EFL1: variants seen among roughly 807,000 people sequenced by gnomAD.
EFL1 encodes elongation factor-like GTPase 1.
EFL1 carries 76 observed loss-of-function variants against 126.7 expected under a neutral mutation model. That is an observed-to-expected ratio of 0.60 (90% CI 0.50 to 0.73). The LOEUF (loss-of-function observed/expected upper bound fraction) is 0.73. EFL1 is among the 30% of genes least tolerant of loss of function. EFL1 has a pLI of 0.00. For synonymous variants in EFL1, 410 were observed against 448.4 expected, an observed-to-expected ratio of 0.91 and a Z score of 1.08; for missense variants, 1,128 against 1,343.2, an observed-to-expected ratio of 0.84 and a Z score of 2.50.
intron 18 of EFL1, among the ~76,000 whole-genome samples, chr15:82,140,137 G>A (rs557747013): frequency 1.3e-5 from 2 of 152,246 alleles, no homozygotes; most frequent in Admixed American, 6.5e-5. Flanking sequence ...GTAATGAAAG[G>A]CACCCCCTTT....
intron 19 of EFL1, among the ~76,000 whole-genome samples, chr15:82,135,614 A>G (rs995301279): frequency 9.8e-5 from 15 of 152,356 alleles, no homozygotes; most frequent in African/African-American, 3.6e-4. Flanking sequence ...GATTGGGTAC[A>G]GCTGTATTCC....
intron 15 of EFL1, among the ~76,000 whole-genome samples, chr15:82,209,377 T>C (rs1397353380): frequency 6.7e-5 from 10 of 149,548 alleles, no homozygotes; most frequent in Admixed American, 5.3e-4. Flanking sequence ...GACTTCCTAT[T>C]GACCCAGCAA....
At chr15:82,191,854 G>C (rs1414821533) in intron 15 of EFL1, among the ~76,000 whole-genome samples, 1 of 152,068 alleles carries the variant, frequency 6.6e-6, no homozygotes. Flanking sequence ...TTATATTTGC[G>C]ACTGAGTTAA....
In EFL1 at chr15:82,262,661, C is replaced by T; in HGVS notation, c.-67G>A. ...CCCGCTCCTTCTCTCGGGTCGCACC[C>T]ACACCGAGAGCTTCCGAAAGTCCGA... On this transcript the variant is annotated 5_prime_UTR_variant, in exon 1 of 20. Transcript: ENST00000268206. 1.9e-6 allele frequency: 1 copy of T among 527,300 alleles called. No homozygotes were observed. The highest frequency in any genetic ancestry group is 3.3e-6 in the Non-Finnish European group (1 of 301,066). The allele number at this position is 527,300 out of a possible 1,614,324, so 32.7% of individuals were successfully genotyped here.
rs774444383 is a variant in EFL1 at position 82,225,199 on chromosome 15, C to T, written c.1258G>A (p.Val420Ile). The T allele has an allele frequency of 3.6e-5, 58 of 1,612,004 alleles. No homozygotes were observed. The Admixed American group carries it at 5.2e-4, about 14-fold the overall frequency. ...VIIFVSKMFA[V>I]DAKALPQNKP... ...TTCTGAGGCAAGGCCTTAGCATCAACTGCAAACATTTTGGAAACAAATATA... is the reference window on the plus strand; with the variant it reads ...TTCTGAGGCAAGGCCTTAGCATCAATTGCAAACATTTTGGAAACAAATATA... Residue 420 changes from valine to isoleucine, a missense_variant, in exon 12 of 20, where the codon GTT becomes ATT. Physicochemically the swap from Val to Ile is conservative, Grantham distance 29. Coordinates refer to ENST00000268206, the MANE Select transcript of EFL1 (RefSeq NM_024580.6).
In EFL1 at chr15:82,138,804, C is replaced by T. The variant is rs72749527; in HGVS notation, c.3028G>A (p.Val1010Ile). 12,925 of 1,613,800 alleles carry T rather than the reference C, an allele frequency of 8.0e-3. 79 individuals carry two copies. The highest frequency in any genetic ancestry group is 8.5e-3 in the Non-Finnish European group (10,048 of 1,179,844). Residue 1010 changes from valine (V) to isoleucine (I), a missense_variant, in exon 19 of 20, where the codon GTA becomes ATA. By Grantham distance (29) the Val-to-Ile change is conservative. Coordinates refer to ENST00000268206, the MANE Select transcript of EFL1 (RefSeq NM_024580.6). ...YAVLSKREGR[V>I]LQEEMKEGTD... ...CCTTCTTTCATTTCTTCTTGAAGTACCCGACCTTCTCTCTTTGACAAGACA... is the reference window on the plus strand; with the variant it reads ...CCTTCTTTCATTTCTTCTTGAAGTATCCGACCTTCTCTCTTTGACAAGACA...
chr15:82,234,133 T>G lies in EFL1; in HGVS notation c.732-3162A>C, dbSNP rs535627557. On this transcript the variant is annotated intron_variant, in intron 7 of 19. Transcript: ENST00000268206. Reference sequence around the variant, plus strand: ...ATTCCCTGTCCTTCCACAATAAACTTCCCCCAATTTGTGTGATTTAGACTA... The same window carrying G: ...ATTCCCTGTCCTTCCACAATAAACTGCCCCCAATTTGTGTGATTTAGACTA... Among the ~76,000 whole-genome samples, 255 of 152,164 alleles carry G rather than the reference T, an allele frequency of 1.7e-3. 1 individual carries two copies. The highest frequency in any genetic ancestry group is 6.0e-3 in the African/African-American group (249 of 41,526).
chr15:82,212,607 T>C (rs118146422), intron 15 of EFL1, among the ~76,000 whole-genome samples: 2,731 of 152,360 alleles, frequency 0.018, 28 homozygotes, highest in Non-Finnish European at 0.026. Context: ...AAAATCCTTC[T>C]GGTAGACTAT....
At chr15:82,253,107 C>G (rs914804159) in intron 3 of EFL1, among the ~76,000 whole-genome samples, 1 of 151,784 alleles carries the variant, frequency 6.6e-6, no homozygotes, top group African/African-American at 2.4e-5. Context: ...GGTACAATCT[C>G]GGCTCACTGC....
chr15:82,247,703 G>A (rs2074985435), intron 4 of EFL1, among the ~76,000 whole-genome samples: 1 of 152,054 alleles, frequency 6.6e-6, no homozygotes, highest in South Asian at 2.1e-4. Context: ...AGACATTGAG[G>A]ATGTAGCGAT....
At chr15:82,166,943 G>T (rs2074085593) in intron 15 of EFL1, among the ~76,000 whole-genome samples, 1 of 152,142 alleles carries the variant, frequency 6.6e-6, no homozygotes, top group South Asian at 2.1e-4. Flanking sequence ...TGGAATTGGG[G>T]GATGAGAAGT....
At chr15:82,132,688 G>GCA (rs1472894894) in intron 19 of EFL1, among the ~76,000 whole-genome samples, 3 of 123,446 alleles carry the variant, frequency 2.4e-5, no homozygotes, top group Non-Finnish European at 5.2e-5. Context: ...AATTGGGGGG[G>GCA]GGGGGGGGTA....
At chr15:82,203,139 C>T (rs187286465) in intron 15 of EFL1, among the ~76,000 whole-genome samples, 9 of 152,104 alleles carry the variant, frequency 5.9e-5, no homozygotes, top group African/African-American at 1.9e-4. Flanking sequence ...AGAAAAAACT[C>T]GTTAATATTT....
chr15:82,240,297 C>G, intron 6 of EFL1, 121 bp downstream of exon 6: 1 of 894,076 alleles, frequency 1.1e-6, no homozygotes, highest in African/African-American at 1.7e-5. Context: ...ATAACAGCAA[C>G]ACGTATGAAT....
chr15:82,243,971 C>T (rs1279704855), intron 4 of EFL1, among the ~76,000 whole-genome samples: 4 of 152,100 alleles, frequency 2.6e-5, no homozygotes, highest in African/African-American at 4.8e-5. Flanking sequence ...ATTAAAGGTT[C>T]AGAGAAGCCC....
rs114131110 is a variant in EFL1 at position 82,158,401 on chromosome 15, A to G, written c.1883-541T>C. 8.1e-3 allele frequency among the ~76,000 whole-genome samples: 1,239 copies of G among 152,242 alleles called. 17 individuals carry two copies. Among genetic ancestry groups the G allele is most frequent in the African/African-American group, 0.028 (1,180 of 41,534 alleles). ...AGGCATCTTCTGCATTGTGTTCTGC[A>G]TGTATTTTTCATATATAATTGCTTT... On this transcript the variant is annotated intron_variant, in intron 16 of 19. Coordinates refer to ENST00000268206, the MANE Select transcript of EFL1 (RefSeq NM_024580.6).
chr15:82,225,626 C>T (rs1450212640), intron 11 of EFL1, among the ~76,000 whole-genome samples: 2 of 152,080 alleles, frequency 1.3e-5, no homozygotes, highest in Non-Finnish European at 2.9e-5. Flanking sequence ...AGGAATGTTA[C>T]CAAAGGCCAA....
At chr15:82,255,576 T>C (rs1596013215) in intron 3 of EFL1, among the ~76,000 whole-genome samples, 3 of 152,334 alleles carry the variant, frequency 2.0e-5, no homozygotes, top group Non-Finnish European at 4.4e-5. Context: ...TTTAAGGTCA[T>C]AAAAATATTA....
intron 15 of EFL1, among the ~76,000 whole-genome samples, chr15:82,164,582 A>C (rs1463681107): frequency 6.6e-6 from 1 of 152,166 alleles, no homozygotes; most frequent in Non-Finnish European, 1.5e-5. Context: ...GAGCAGATGG[A>C]AGCAAAAAGA....
Sources: gnomAD v4.1 joint callset for allele counts (sites outside exome capture counted in the v4.1 genomes callset) on GRCh38, gnomAD v4.1.1 for gene constraint, MANE v1.5 for transcripts, NCBI Gene and HGNC (gene_info 2026-07-23, HGNC 2026-07-21) for gene names.